DNAAF5: variants seen among roughly 807,000 people sequenced by gnomAD.
DNAAF5 encodes the protein dynein axonemal assembly factor 5, also known as HEAT repeat containing 2.
A neutral mutation model predicts 75.8 loss-of-function variants in DNAAF5; 64 were observed. The observed-to-expected ratio is 0.84, with a 90% CI of 0.69 to 1.04. DNAAF5 has a LOEUF of 1.04. Among genes scored for constraint, DNAAF5 ranks in the 50% least tolerant of loss-of-function variants. The probability of loss-of-function intolerance (pLI) is 0.00; values close to 1 mark genes in which losing one functional copy is unlikely to be tolerated. For synonymous variants in DNAAF5, 657 were observed against 557.2 expected, an observed-to-expected ratio of 1.18 and a Z score of -2.52; for missense variants, 1,269 against 1,178.5, an observed-to-expected ratio of 1.08 and a Z score of -1.12.
chr7:780,517 G>A (rs565264493), intron 12 of DNAAF5, among the ~76,000 whole-genome samples: 2 of 152,270 alleles, frequency 1.3e-5, no homozygotes, highest in Non-Finnish European at 2.9e-5. Context: ...CTTGATGGAA[G>A]ACACTGGACT....
chr7:727,417 C>A (rs1453021677), intron 1 of DNAAF5, 102 bp downstream of exon 1: 2 of 553,344 alleles, frequency 3.6e-6, no homozygotes, highest in African/African-American at 2.2e-5. Flanking sequence ...GCCCCGCCCC[C>A]CTCCACGCCC....
intron 8 of DNAAF5, among the ~76,000 whole-genome samples, chr7:767,165 G>A (rs1778329822): frequency 6.6e-6 from 1 of 151,306 alleles, no homozygotes; most frequent in Admixed American, 6.6e-5. Context: ...CGTGAACCCA[G>A]GAGACGGGGC....
rs544823626 is a variant in DNAAF5 at position 767,067 on chromosome 7, G to A, written c.1783+3093G>A. 2.7e-4 allele frequency among the ~76,000 whole-genome samples: 41 copies of A among 151,994 alleles called. No homozygotes were observed. The South Asian group carries it at 5.0e-3, about 19-fold the overall frequency. Reference sequence around the variant, plus strand: ...ATCCTGGCTAACATGATGAAACCCCGTCTCTACTAAAAATACAAAAAATTA... The same window carrying A: ...ATCCTGGCTAACATGATGAAACCCCATCTCTACTAAAAATACAAAAAATTA... On this transcript the variant is annotated intron_variant, in intron 8 of 12. Transcript: ENST00000297440.
In DNAAF5 at chr7:786,352, G is replaced by A. The variant is rs1399849705; in HGVS notation, c.*699G>A. 1 of 152,216 alleles carries A rather than the reference G, an allele frequency of 6.6e-6. No individual in the cohort carries two copies. Among genetic ancestry groups the A allele is most frequent in the Non-Finnish European group, 1.5e-5 (1 of 68,056 alleles). 9.4% of individuals were successfully genotyped at this position (152,216 alleles called of 1,614,324 possible). A position where few individuals can be genotyped will look rare whatever the true frequency, so the allele number is the denominator to read the frequency against. Reference sequence around the variant, plus strand: ...ACCCAAGTGCCTAAAAGATCTCATTGTAAGTGGGTAGTGTTACCGGAAGCC... The same window carrying A: ...ACCCAAGTGCCTAAAAGATCTCATTATAAGTGGGTAGTGTTACCGGAAGCC... On this transcript the variant is annotated 3_prime_UTR_variant, in exon 13 of 13. Coordinates refer to ENST00000297440, the MANE Select transcript of DNAAF5 (RefSeq NM_017802.4).
intron 8 of DNAAF5, among the ~76,000 whole-genome samples, chr7:770,021 G>C (rs1288186318): frequency 6.6e-6 from 1 of 152,028 alleles, no homozygotes; most frequent in Non-Finnish European, 1.5e-5. Flanking sequence ...GCACGATCTC[G>C]GCTCACTGCA....
chr7:734,468 C>G (rs1781673330), intron 2 of DNAAF5, among the ~76,000 whole-genome samples: 1 of 152,208 alleles, frequency 6.6e-6, no homozygotes, highest in Non-Finnish European at 1.5e-5. Flanking sequence ...GACAAATGAT[C>G]TTTCTCATGT....
rs1012377825 is a variant in DNAAF5, at chr7:785,973, A to G, written c.*320A>G. 8 of 269,916 alleles carry G rather than the reference A, an allele frequency of 3.0e-5. No homozygotes were observed. The highest frequency in any genetic ancestry group is 1.3e-4 in the African/African-American group (6 of 45,142). 16.7% of individuals were successfully genotyped at this position (269,916 alleles called of 1,614,324 possible). ...TAAGCCTCACGTGCGCAGCTGGTTC[A>G]TGAACTATTGGCTGCATCCTGCTTA... On this transcript the variant is annotated 3_prime_UTR_variant, in exon 13 of 13. Coordinates refer to ENST00000297440, the MANE Select transcript of DNAAF5 (RefSeq NM_017802.4).
intron 1 of DNAAF5, among the ~76,000 whole-genome samples, chr7:728,567 C>G (rs1380537905): frequency 1.3e-5 from 2 of 152,206 alleles, no homozygotes; most frequent in African/African-American, 4.8e-5. Context: ...GAACCTTGGG[C>G]TGGATGGACA....
At chr7:775,207 C>T (rs748150803) in intron 11 of DNAAF5, 45 bp downstream of exon 11, 1 of 1,575,872 alleles carries the variant, frequency 6.3e-7, no homozygotes, top group Non-Finnish European at 8.7e-7. Flanking sequence ...TGCAGTCAGC[C>T]CTCCGTGTCC....
intron 6 of DNAAF5, among the ~76,000 whole-genome samples, chr7:759,355 C>G (rs1782576790): frequency 6.6e-6 from 1 of 152,180 alleles, no homozygotes; most frequent in Admixed American, 6.5e-5. Context: ...AGTAGGTCCC[C>G]TAGAGCTCGA....
At chr7:773,850 C>A (rs993278259) in intron 9 of DNAAF5, among the ~76,000 whole-genome samples, 198 bp from the exon 10 acceptor site, 1 of 152,138 alleles carries the variant, frequency 6.6e-6, no homozygotes, top group African/African-American at 2.4e-5. Context: ...CCCCTGTCTC[C>A]CCGGTAGGGT....
At chr7:771,062 T>G (rs1361600603) in intron 9 of DNAAF5, 3 of 156,254 alleles carry the variant, frequency 1.9e-5, no homozygotes, top group Non-Finnish European at 2.8e-5. Flanking sequence ...TAGGGAACAT[T>G]AACTGTTAAT....
At chr7:737,988 C>G (rs2128071852) in intron 2 of DNAAF5, among the ~76,000 whole-genome samples, 1 of 152,272 alleles carries the variant, frequency 6.6e-6, no homozygotes, top group Middle Eastern at 3.4e-3. Context: ...GATATTATCC[C>G]TTTGAGTAAA....
At chr7:734,805 A>G (rs1781683850) in intron 2 of DNAAF5, among the ~76,000 whole-genome samples, 1 of 152,190 alleles carries the variant, frequency 6.6e-6, no homozygotes, top group Non-Finnish European at 1.5e-5. Context: ...TGTAGGTCAT[A>G]TGTGTCTAGG....
rs1042963964 is a variant in DNAAF5, at chr7:740,756, G to A, written c.781-63G>A. 58 of 1,599,670 alleles carry A rather than the reference G, an allele frequency of 3.6e-5. No homozygotes were observed. In the African/African-American group the frequency reaches 5.9e-4, roughly 16 times the overall value. ...GTATGGCAGCACTCAGAGCCGCACCGTGGCGTCAGCCCCGGCATCCCCTTT... is the reference window on the plus strand; with the variant it reads ...GTATGGCAGCACTCAGAGCCGCACCATGGCGTCAGCCCCGGCATCCCCTTT... On this transcript the variant is annotated intron_variant, in intron 2 of 12. Transcript: ENST00000297440.
At chr7:745,223 T>C (rs550594370) in intron 4 of DNAAF5, among the ~76,000 whole-genome samples, 7 of 152,350 alleles carry the variant, frequency 4.6e-5, no homozygotes, top group South Asian at 2.1e-4. Flanking sequence ...CAAATCGTTC[T>C]CCACGTGCTC....
At chr7:749,428 T>G (rs1456789738) in intron 4 of DNAAF5, among the ~76,000 whole-genome samples, 2 of 152,224 alleles carry the variant, frequency 1.3e-5, no homozygotes, top group Non-Finnish European at 1.5e-5. Context: ...AAGCCTGACT[T>G]AGAAGTGAGC....
chr7:770,281 T>C (rs957659150), intron 8 of DNAAF5, among the ~76,000 whole-genome samples, 190 bp from the exon 9 acceptor site: 2 of 151,888 alleles, frequency 1.3e-5, no homozygotes, highest in Non-Finnish European at 2.9e-5. Context: ...AAAACGTGAT[T>C]TTGGGGGGTT....
chr7:760,001 C>A (rs1782593998), intron 6 of DNAAF5, among the ~76,000 whole-genome samples: 1 of 152,324 alleles, frequency 6.6e-6, no homozygotes, highest in Admixed American at 6.5e-5. Flanking sequence ...AAAAACAAAT[C>A]TGTGGCTTCT....
Sources: allele counts gnomAD v4.1 joint callset (sites outside exome capture counted in the v4.1 genomes callset), GRCh38; gene constraint gnomAD v4.1.1; transcripts MANE v1.5; gene names NCBI Gene and HGNC (gene_info 2026-07-23, HGNC 2026-07-21).